Variants in SORBS2 observed in about 807,000 individuals in gnomAD.
SORBS2 encodes sorbin and SH3 domain containing 2, also known as sorbin and SH3 domain-containing protein 2.
SORBS2 carries 46 observed loss-of-function variants against 97.7 expected under a neutral mutation model. That is an observed-to-expected ratio of 0.47 (90% confidence interval 0.37 to 0.60). SORBS2 has a LOEUF of 0.60. SORBS2 is among the 20% of genes least tolerant of loss of function. The probability of loss-of-function intolerance (pLI) is 0.00; values close to 1 mark genes in which losing one functional copy is unlikely to be tolerated. For missense variants in SORBS2, 1,316 were observed against 1,282.3 expected, an observed-to-expected ratio of 1.03 and a Z score of -0.40; for synonymous variants, 476 against 473.4, an observed-to-expected ratio of 1.01 and a Z score of -0.07.
At chr4:185,677,100 T>G in intron 4 of SORBS2, 12 of 1,551,618 alleles carry the variant, frequency 7.7e-6, no homozygotes, top group Non-Finnish European at 1.0e-5. Context: ...AGGTAGCTGT[T>G]TGTGGCTTTC....
chr4:185,617,103 T>C (rs1025893239), intron 9 of SORBS2, among the ~76,000 whole-genome samples: 4 of 152,232 alleles, frequency 2.6e-5, no homozygotes, highest in Non-Finnish European at 5.9e-5. Context: ...GTGGACACCC[T>C]TCCTACTTCA....
Position 185,606,131 on chromosome 4 carries a change from A to G in SORBS2, c.2796+5649T>C, listed in dbSNP as rs1487559659. 5 of 985,290 alleles carry G rather than the reference A, an allele frequency of 5.1e-6. No homozygotes were observed. The highest frequency in any genetic ancestry group is 6.0e-6 in the Non-Finnish European group (5 of 829,898). 61.0% of individuals were successfully genotyped at this position (985,290 alleles called of 1,614,324 possible). A position where few individuals can be genotyped will look rare whatever the true frequency, so the allele number is the denominator to read the frequency against. On this transcript the variant is annotated intron_variant, in intron 12 of 14. Coordinates refer to ENST00000418609, the Ensembl canonical transcript of SORBS2. The surrounding 1 kb of genome is among the most constrained non-coding windows in gnomAD (Gnocchi z 4.3). ...TGCCGTTATGTCAAAGGTATGGTGT[A>G]CAGTTTCTCATCCTGGAATAGGACA...
chr4:185,638,877 C>A (rs1420515091), intron 4 of SORBS2: 2 of 1,465,252 alleles, frequency 1.4e-6, no homozygotes, highest in Non-Finnish European at 1.8e-6. Flanking sequence ...AGGAGCTCAC[C>A]CGGGTGGGAG....
rs955501317 is a variant in SORBS2, at chr4:185,652,774, A to G, written c.25-46T>C. ...AATGGTTACAAACTGGCTTCCAATC[A>G]ACATCGCTTCTCAGTGTTTTCATTT... is the stretch of plus-strand genomic sequence containing the variant. On this transcript the variant is annotated intron_variant, in intron 1 of 14. Coordinates refer to ENST00000418609, the Ensembl canonical transcript of SORBS2. The G allele has an allele frequency of 2.3e-6, 3 of 1,324,678 alleles. No homozygotes were observed. The African/African-American group carries it at 4.3e-5, about 19-fold the overall frequency. 82.1% of individuals were successfully genotyped at this position (1,324,678 alleles called of 1,614,324 possible).
At chr4:185,777,717 C>T (rs1217947933) in intron 1 of SORBS2, among the ~76,000 whole-genome samples, 2 of 151,810 alleles carry the variant, frequency 1.3e-5, no homozygotes, top group Non-Finnish European at 2.9e-5. Flanking sequence ...CTACTGAGCT[C>T]AATGCGGCTA....
At chr4:185,937,591 T>G (rs2099269563) in intron 1 of SORBS2, among the ~76,000 whole-genome samples, 1 of 152,054 alleles carries the variant, frequency 6.6e-6, no homozygotes, top group African/African-American at 2.4e-5. Context: ...TGCCCCAAAG[T>G]GATGAAAGAT....
chr4:185,847,490 C>A (rs540642110), intron 1 of SORBS2, among the ~76,000 whole-genome samples: 3 of 152,204 alleles, frequency 2.0e-5, no homozygotes, highest in Non-Finnish European at 4.4e-5. Flanking sequence ...AGAATCCATC[C>A]TCGCAGGATC....
At chr4:185,944,939 C>A (rs1038925032) in intron 1 of SORBS2, among the ~76,000 whole-genome samples, 2 of 152,180 alleles carry the variant, frequency 1.3e-5, no homozygotes, top group Non-Finnish European at 2.9e-5. Flanking sequence ...TTCTCCAATG[C>A]AGCAGCCAAC....
chr4:185,652,556 G>A (rs1166729864), intron 2 of SORBS2, 106 bp downstream of exon 10: 8 of 867,598 alleles, frequency 9.2e-6, no homozygotes, highest in Non-Finnish European at 1.6e-5. Context: ...GGGACACGGA[G>A]TTTGCTGGGG....
intron 2 of SORBS2, among the ~76,000 whole-genome samples, chr4:185,752,417 A>AG (rs1361949295): frequency 6.6e-6 from 1 of 152,094 alleles, no homozygotes; most frequent in Non-Finnish European, 1.5e-5. Flanking sequence ...CTTGGACTAC[A>AG]GGCGCCCGCC....
chr4:185,838,245 G>A lies in SORBS2; in HGVS notation c.-337-62879C>T, dbSNP rs113961221. 1.1e-3 allele frequency among the ~76,000 whole-genome samples: 169 copies of A among 152,342 alleles called. 1 individual carries two copies. Among genetic ancestry groups the A allele is most frequent in the African/African-American group, 3.8e-3 (160 of 41,584 alleles). ...CCTGCCCAGCTTCCCGGCTGCAGTG[G>A]GCCTAGCTATAACTTGCTCTGTTCC... On this transcript the variant is annotated intron_variant, in intron 1 of 20. Coordinates refer to the SORBS2 transcript ENST00000284776.
chr4:185,690,509 C>A (rs6823546), intron 2 of SORBS2, 53 bp downstream of exon 4: 2 of 1,276,114 alleles, frequency 1.6e-6, no homozygotes, highest in Non-Finnish European at 2.2e-6. Context: ...TTAGGGCCAA[C>A]ATGATTTTTA....
At chr4:185,727,345 A>C (rs1363618624) in intron 2 of SORBS2, among the ~76,000 whole-genome samples, 1 of 152,218 alleles carries the variant, frequency 6.6e-6, no homozygotes, top group Non-Finnish European at 1.5e-5. Flanking sequence ...GGATTTTGTC[A>C]ATGATTTACC....
intron 2 of SORBS2, among the ~76,000 whole-genome samples, chr4:185,750,628 ATT>A (rs781661489): frequency 2.0e-4 from 30 of 152,342 alleles, no homozygotes; most frequent in Non-Finnish European, 3.7e-4. Context: ...TTACACAGTT[ATT>A]TGGTACCATA....
At chr4:185,745,318 C>T (rs1249551586) in intron 2 of SORBS2, among the ~76,000 whole-genome samples, 2 of 152,152 alleles carry the variant, frequency 1.3e-5, no homozygotes, top group East Asian at 1.9e-4. Context: ...ACAAACTAGA[C>T]CTCCCAGATT....
intron 9 of SORBS2, among the ~76,000 whole-genome samples, chr4:185,616,732 C>G (rs1298163420): frequency 1.3e-5 from 2 of 152,028 alleles, no homozygotes; most frequent in Non-Finnish European, 2.9e-5. Flanking sequence ...GTCCCATTTG[C>G]TTTTTTCCCC....
chr4:185,678,812 A>G (rs1436162701), exon 3 of SORBS2: 3 of 1,464,274 alleles, frequency 2.0e-6, no homozygotes, highest in Non-Finnish European at 2.7e-6. Flanking sequence ...CTGGTGACTG[A>G]GAATCACGCC....
At chr4:185,719,795 G>C (rs1356332514) in intron 2 of SORBS2, among the ~76,000 whole-genome samples, 2 of 152,236 alleles carry the variant, frequency 1.3e-5, no homozygotes, top group African/African-American at 4.8e-5. Flanking sequence ...TTCTGCTCTA[G>C]GGTCTTGTGG....
In SORBS2 at chr4:185,868,158, TC is replaced by T. The variant is rs201481808; in HGVS notation, c.-338+88037del. 7.5e-3 allele frequency among the ~76,000 whole-genome samples: 785 copies of T among 104,028 alleles called. 54 individuals carry two copies. Among genetic ancestry groups the T allele is most frequent in the Non-Finnish European group, 0.012 (609 of 51,566 alleles). The allele number at this position is 104,028 out of a possible 152,430, so 68.2% of individuals were successfully genotyped here. ...TTCTCTTTTCTTTTCTTTTTTTCTT[TC>T]TTTTTTTTTTTTTTTGAGGCAGAGT... On this transcript the variant is annotated intron_variant, in intron 1 of 20. Transcript: ENST00000284776.
Sources: allele counts gnomAD v4.1 joint callset (sites outside exome capture counted in the v4.1 genomes callset), GRCh38; gene constraint gnomAD v4.1.1; non-coding constraint Gnocchi (gnomAD v3.1); transcripts MANE v1.5; gene names NCBI Gene and HGNC (gene_info 2026-07-23, HGNC 2026-07-21).